SYT1: variants seen among roughly 807,000 people sequenced by gnomAD.
SYT1 encodes synaptotagmin 1.
Under a neutral mutation model 44.8 loss-of-function variants are expected in SYT1, and 8 were observed. The ratio of observed to expected loss-of-function variants is 0.18; its 90% CI spans 0.10 to 0.32. SYT1 has a LOEUF of 0.32. Ranked by LOEUF, SYT1 falls within the 10% of genes least tolerant of loss-of-function variation. The pLI is 1.00. For synonymous variants in SYT1, 154 were observed against 188.8 expected (o/e 0.82, Z 1.51); for missense variants, 286 against 509.3 (o/e 0.56, Z 4.22).
intron 9 of SYT1, among the ~76,000 whole-genome samples, chr12:79,420,034 A>G (rs1386476477): frequency 2.6e-5 from 4 of 152,128 alleles, no homozygotes; most frequent in Non-Finnish European, 5.9e-5. Flanking sequence ...TTATTGCTGT[A>G]TAACATGCCA....
At chr12:79,255,890 C>A (rs777647442) in intron 4 of SYT1, among the ~76,000 whole-genome samples, 1 of 152,044 alleles carries the variant, frequency 6.6e-6, no homozygotes, top group Admixed American at 6.5e-5. Context: ...ATTTGCTCTG[C>A]CACATTATTA....
At chr12:79,204,065 C>T (rs1215826094) in intron 3 of SYT1, among the ~76,000 whole-genome samples, 1 of 152,152 alleles carries the variant, frequency 6.6e-6, no homozygotes, top group African/African-American at 2.4e-5. Flanking sequence ...ATCCTGGCTC[C>T]ACCACTTACT....
chr12:79,089,406 C>T (rs1172678521), intron 3 of SYT1, among the ~76,000 whole-genome samples: 2 of 150,800 alleles, frequency 1.3e-5, no homozygotes, highest in African/African-American at 4.9e-5. Context: ...ACTGTAAATT[C>T]TGCTGTGTTT....
chr12:79,364,997 T>C (rs1883481690), intron 9 of SYT1, among the ~76,000 whole-genome samples: 1 of 152,118 alleles, frequency 6.6e-6, no homozygotes, highest in East Asian at 1.9e-4. Context: ...TTTAAAATTA[T>C]AGGAAAGCTC....
At chr12:79,278,717 T>C (rs1735835070) in intron 4 of SYT1, among the ~76,000 whole-genome samples, 1 of 151,628 alleles carries the variant, frequency 6.6e-6, no homozygotes, top group South Asian at 2.1e-4. Context: ...AAACAAAAAG[T>C]TGGTTATTTG....
chr12:79,181,867 A>G (rs533585940), intron 3 of SYT1, among the ~76,000 whole-genome samples: 1 of 152,040 alleles, frequency 6.6e-6, no homozygotes, highest in East Asian at 1.9e-4. Flanking sequence ...TTTCCAGAAC[A>G]TCTTTATTTT....
chr12:79,184,214 G>A (rs904742091), intron 3 of SYT1, among the ~76,000 whole-genome samples: 1 of 151,934 alleles, frequency 6.6e-6, no homozygotes, highest in Non-Finnish European at 1.5e-5. Flanking sequence ...CTTGGTGTTA[G>A]TCCAGAATTC....
intron 4 of SYT1, among the ~76,000 whole-genome samples, chr12:79,240,083 G>C (rs971383330): frequency 6.6e-6 from 1 of 152,146 alleles, no homozygotes; most frequent in Non-Finnish European, 1.5e-5. Flanking sequence ...TACAGTCACG[G>C]ATCTTTCCCA....
chr12:79,345,462 A>T (rs971209129), intron 8 of SYT1, among the ~76,000 whole-genome samples: 13 of 152,178 alleles, frequency 8.5e-5, no homozygotes, highest in African/African-American at 2.9e-4. Context: ...CTGTGGTGGA[A>T]CTCAGTAATT....
intron 2 of SYT1, among the ~76,000 whole-genome samples, chr12:79,030,038 C>A (rs1426453290): frequency 2.0e-5 from 3 of 151,002 alleles, no homozygotes; most frequent in Non-Finnish European, 4.5e-5. Flanking sequence ...TGATGAATTT[C>A]AGTATTAAAT....
intron 9 of SYT1, among the ~76,000 whole-genome samples, chr12:79,443,696 G>A (rs1474703422): frequency 1.3e-5 from 2 of 152,202 alleles, no homozygotes; most frequent in African/African-American, 4.8e-5. Context: ...TCACAAGAGT[G>A]AACGGTTAAT....
rs987494882 is a variant in SYT1 at position 79,289,227 on chromosome 12, A to G, written c.352-2781A>G. 3.3e-5 allele frequency among the ~76,000 whole-genome samples: 5 copies of G among 152,238 alleles called. No homozygotes were observed. In the East Asian group the frequency reaches 5.8e-4, roughly 18 times the overall value. ...GCGCACTTAATCTTTGAAATTTAAGATAAGGTCTGATGTTCCCAACCCAGC... is the reference window on the plus strand; with the variant it reads ...GCGCACTTAATCTTTGAAATTTAAGGTAAGGTCTGATGTTCCCAACCCAGC... On this transcript the variant is annotated intron_variant, in intron 5 of 10. Transcript: ENST00000261205.
chr12:79,355,091 G>T (rs1023905368), intron 9 of SYT1, among the ~76,000 whole-genome samples: 1 of 152,090 alleles, frequency 6.6e-6, no homozygotes, highest in Non-Finnish European at 1.5e-5. Context: ...TTTCAACCAC[G>T]AGTTGTTCAT....
intron 3 of SYT1, among the ~76,000 whole-genome samples, chr12:79,094,913 A>G (rs568473480): frequency 6.6e-6 from 1 of 152,040 alleles, no homozygotes; most frequent in Non-Finnish European, 1.5e-5. Context: ...GCTGCTGAAA[A>G]TCCAAAGCCA....
intron 2 of SYT1, among the ~76,000 whole-genome samples, chr12:78,988,371 C>T (rs1396019232): frequency 6.8e-6 from 1 of 147,222 alleles, no homozygotes; most frequent in Non-Finnish European, 1.5e-5. Context: ...ATCTATTTCT[C>T]CAATATAATG....
chr12:78,961,549 A>G (rs1355270390), intron 1 of SYT1, among the ~76,000 whole-genome samples: 1 of 152,098 alleles, frequency 6.6e-6, no homozygotes, highest in East Asian at 1.9e-4. Context: ...TAGAAGGAGA[A>G]GATTTTATCT....
intron 2 of SYT1, among the ~76,000 whole-genome samples, chr12:79,024,031 G>T (rs1213880077): frequency 6.6e-6 from 1 of 151,830 alleles, no homozygotes; most frequent in Non-Finnish European, 1.5e-5. Flanking sequence ...TCGCAACACT[G>T]CCTGGAAGAG....
intron 3 of SYT1, among the ~76,000 whole-genome samples, chr12:79,135,691 T>C (rs978894162): frequency 6.6e-6 from 1 of 152,164 alleles, no homozygotes; most frequent in African/African-American, 2.4e-5. Context: ...AGGAGCATCT[T>C]GCTTTCGATA....
intron 2 of SYT1, among the ~76,000 whole-genome samples, chr12:79,034,700 T>C (rs1462646235): frequency 6.6e-6 from 1 of 151,748 alleles, no homozygotes; most frequent in Non-Finnish European, 1.5e-5. Context: ...TAAATAGGCA[T>C]ATAGCCTCCT....
Sources: gnomAD v4.1 joint callset for allele counts (sites outside exome capture counted in the v4.1 genomes callset) on GRCh38, gnomAD v4.1.1 for gene constraint, MANE v1.5 for transcripts, NCBI Gene and HGNC (gene_info 2026-07-23, HGNC 2026-07-21) for gene names.